C1orf185: variants seen among roughly 807,000 people sequenced by gnomAD.
C1orf185 encodes chromosome 1 open reading frame 185.
In C1orf185, 13 loss-of-function variants were observed where a neutral mutation model predicts 16.1. The observed-to-expected ratio is 0.81, with a 90% CI of 0.53 to 1.28. The LOEUF (loss-of-function observed/expected upper bound fraction) is 1.28. Ranked by LOEUF, C1orf185 falls within the 50% of genes most tolerant of loss-of-function variation. C1orf185 has a pLI of 0.00. For missense variants in C1orf185, 220 were observed against 225.2 expected, an observed-to-expected ratio of 0.98 and a Z score of 0.15; for synonymous variants, 80 against 76.9, an observed-to-expected ratio of 1.04 and a Z score of -0.21.
chr1:51,124,266 G>C (rs1646221225), intron 3 of C1orf185, among the ~76,000 whole-genome samples: 1 of 152,076 alleles, frequency 6.6e-6, no homozygotes, highest in South Asian at 2.1e-4. Context: ...ATTTTTAGTG[G>C]AGACAGGGTT....
intron 3 of C1orf185, among the ~76,000 whole-genome samples, chr1:51,141,925 T>C (rs1646367394): frequency 6.6e-6 from 1 of 152,044 alleles, no homozygotes; most frequent in African/African-American, 2.4e-5. Flanking sequence ...TCCGCAACCA[T>C]GCCCAGCTAA....
chr1:51,117,240 T>A (rs993613713), intron 2 of C1orf185, among the ~76,000 whole-genome samples: 5 of 152,194 alleles, frequency 3.3e-5, no homozygotes, highest in African/African-American at 1.2e-4. Flanking sequence ...TAATGCCTCA[T>A]TAACATAATA....
At chr1:51,123,928 TAC>T (rs1373725335) in intron 3 of C1orf185, among the ~76,000 whole-genome samples, 3 of 151,422 alleles carry the variant, frequency 2.0e-5, no homozygotes, top group African/African-American at 7.3e-5. Context: ...ATATATTTTA[TAC>T]ACACATGTAT....
At chr1:51,115,071 G>T (rs140345080) in intron 2 of C1orf185, among the ~76,000 whole-genome samples, 1 of 152,086 alleles carries the variant, frequency 6.6e-6, no homozygotes, top group Non-Finnish European at 1.5e-5. Flanking sequence ...GAGGCCGGGC[G>T]CAGTGGCTGA....
At chr1:51,112,368 C>A in intron 1 of C1orf185, 96 bp from the exon 2 acceptor site, 2 of 996,178 alleles carry the variant, frequency 2.0e-6, no homozygotes, top group Non-Finnish European at 2.9e-6. Flanking sequence ...TGTCTTAACA[C>A]TACAACATGC....
At chr1:51,151,241 T>C (rs1277460953), downstream of C1orf185, among the ~76,000 whole-genome samples, 2 of 152,314 alleles carry the variant, frequency 1.3e-5, no homozygotes, top group East Asian at 1.9e-4. Flanking sequence ...GTGTAACAGG[T>C]TCAAATTCCA....
intron 3 of C1orf185, among the ~76,000 whole-genome samples, chr1:51,125,918 G>T (rs1646236639): frequency 6.6e-6 from 1 of 152,140 alleles, no homozygotes; most frequent in Non-Finnish European, 1.5e-5. Context: ...AGCACTTTGG[G>T]TTGCTGAGGT....
At chr1:51,123,286 G>A (rs1344656407) in intron 3 of C1orf185, among the ~76,000 whole-genome samples, 1 of 152,104 alleles carries the variant, frequency 6.6e-6, no homozygotes, top group Non-Finnish European at 1.5e-5. Flanking sequence ...GCCACATTGT[G>A]GATTAAGTGT....
chr1:51,127,649 T>C (rs972061309), intron 3 of C1orf185, among the ~76,000 whole-genome samples: 1 of 152,104 alleles, frequency 6.6e-6, no homozygotes, highest in African/African-American at 2.4e-5. Context: ...AATTAAATTA[T>C]ATCTTTTATG....
chr1:51,107,422 C>G (rs1442865674), intron 1 of C1orf185: 1 of 152,124 alleles, frequency 6.6e-6, no homozygotes, highest in East Asian at 1.9e-4. Flanking sequence ...GCTTTCCCCA[C>G]CAAAAGACAA....
At chr1:51,104,275 AT>A (rs1228765988) in intron 1 of C1orf185, among the ~76,000 whole-genome samples, 1 of 152,238 alleles carries the variant, frequency 6.6e-6, no homozygotes, top group Non-Finnish European at 1.5e-5. Flanking sequence ...TAGTTTGTGA[AT>A]ACTCAAAAAT....
At chr1:51,127,729 T>C (rs1358233242) in intron 3 of C1orf185, among the ~76,000 whole-genome samples, 2 of 152,206 alleles carry the variant, frequency 1.3e-5, no homozygotes, top group African/African-American at 4.8e-5. Flanking sequence ...AACTTTGTTC[T>C]TTCTATTGAT....
At chr1:51,129,746 T>C (rs192495493) in intron 3 of C1orf185, 1 of 152,278 alleles carries the variant, frequency 6.6e-6, no homozygotes, top group African/African-American at 2.4e-5. Context: ...GATTTGGAGA[T>C]GGCCTTTTTC....
chr1:51,121,213 T>G (rs1646195148), intron 3 of C1orf185, among the ~76,000 whole-genome samples: 1 of 152,126 alleles, frequency 6.6e-6, no homozygotes, highest in Admixed American at 6.6e-5. Flanking sequence ...TCTATTCCTC[T>G]TATCTAACTG....
At chr1:51,148,791 G>A (rs534375767), downstream of C1orf185, among the ~76,000 whole-genome samples, 4 of 152,212 alleles carry the variant, frequency 2.6e-5, no homozygotes, top group East Asian at 1.9e-4. Context: ...GCCTGGTGTG[G>A]TGGCACATGC....
intron 1 of C1orf185, among the ~76,000 whole-genome samples, chr1:51,108,637 A>G (rs1646091098): frequency 6.6e-6 from 1 of 151,812 alleles, no homozygotes; most frequent in South Asian, 2.1e-4. Context: ...TCTTCATGAG[A>G]TCCCCTTTTT....
Position 51,111,370 on chromosome 1 carries a change from C to CTTTTTTT in C1orf185, c.17-1091_17-1090insTTTTTTT, listed in dbSNP as rs35232347. Among the ~76,000 whole-genome samples, 20 of 114,422 alleles carry CTTTTTTT rather than the reference C, an allele frequency of 1.7e-4. 2 individuals carry two copies. Among genetic ancestry groups the CTTTTTTT allele is most frequent in the African/African-American group, 4.8e-4 (13 of 27,356 alleles). 75.1% of individuals were successfully genotyped at this position (114,422 alleles called of 152,430 possible). A position where few individuals can be genotyped will look rare whatever the true frequency, so the allele number is the denominator to read the frequency against. Reference sequence around the variant, plus strand: ...ATATTGCTTTCATTTAGCTTTCTTTCTTTCTTTTTTTTTTTTTTTGAGAGA... The same window carrying CTTTTTTT: ...ATATTGCTTTCATTTAGCTTTCTTTCTTTTTTTTTTCTTTTTTTTTTTTTTTGAGAGA... On this transcript the variant is annotated intron_variant, in intron 1 of 4. Transcript: ENST00000371759.
chr1:51,136,313 A>G (rs1434120233), intron 3 of C1orf185, among the ~76,000 whole-genome samples: 1 of 151,216 alleles, frequency 6.6e-6, no homozygotes, highest in Admixed American at 6.6e-5. Context: ...AAATCATTTT[A>G]TTTTATTATT....
At chr1:51,109,070 C>A (rs1646094372) in intron 1 of C1orf185, among the ~76,000 whole-genome samples, 1 of 152,166 alleles carries the variant, frequency 6.6e-6, no homozygotes, top group South Asian at 2.1e-4. Context: ...TTCTCTGCAT[C>A]CTTGCCAGCA....
Sources: allele counts gnomAD v4.1 joint callset (sites outside exome capture counted in the v4.1 genomes callset), GRCh38; gene constraint gnomAD v4.1.1; transcripts MANE v1.5; gene names NCBI Gene and HGNC (gene_info 2026-07-23, HGNC 2026-07-21).